SERBP1: variants seen among roughly 807,000 people sequenced by gnomAD.
SERBP1 encodes SERPINE1 mRNA-binding protein 1.
Under a neutral mutation model 50.2 loss-of-function variants are expected in SERBP1, and 6 were observed. The ratio of observed to expected loss-of-function variants is 0.12; its 90% confidence interval spans 0.07 to 0.24. SERBP1 has a LOEUF of 0.24. SERBP1 is among the 10% of genes least tolerant of loss of function. The pLI is 1.00. For synonymous variants in SERBP1, 168 were observed against 182.8 expected (o/e 0.92, Z 0.65); for missense variants, 346 against 524.9 (o/e 0.66, Z 3.33).
intron 7 of SERBP1, among the ~76,000 whole-genome samples, chr1:67,413,701 A>G (rs1205639723): frequency 6.6e-6 from 1 of 152,170 alleles, no homozygotes; most frequent in Non-Finnish European, 1.5e-5. Flanking sequence ...AAATGTATCA[A>G]GACAAAATTA....
rs539676906 is a variant in SERBP1 at position 67,430,309 on chromosome 1, C to G, written c.-9G>C. 2.9e-5 allele frequency: 43 copies of G among 1,486,980 alleles called. No homozygotes were observed. Among genetic ancestry groups the G allele is most frequent in the Admixed American group, 1.5e-4 (6 of 40,474 alleles). 92.1% of individuals were successfully genotyped at this position (1,486,980 alleles called of 1,614,324 possible). ...TGTAAGTGCCCAGGCATGATGGTGG[C>G]TCGGCGGCGCGTTCCTCCACGGATT... On this transcript the variant is annotated 5_prime_UTR_variant, in exon 1 of 8. Coordinates refer to ENST00000361219, the MANE Select transcript of SERBP1 (RefSeq NM_001018069.2).
chr1:67,424,068 G>A, intron 5 of SERBP1, 132 bp downstream of exon 5: 2 of 832,338 alleles, frequency 2.4e-6, no homozygotes, highest in Non-Finnish European at 3.6e-6. Context: ...TGAGGGATGA[G>A]GGTACAGTAA....
rs926566770 is a variant in SERBP1 at position 67,408,693 on chromosome 1, C to T, written c.*4514G>A. 4 of 152,048 alleles carry T rather than the reference C, an allele frequency of 2.6e-5. No individual in the cohort carries two copies. Among genetic ancestry groups the T allele is most frequent in the South Asian group, 4.2e-4 (2 of 4,810 alleles). The allele number at this position is 152,048 out of a possible 1,614,324, so 9.4% of individuals were successfully genotyped here. A position where few individuals can be genotyped will look rare whatever the true frequency, so the allele number is the denominator to read the frequency against. Reference sequence around the variant, plus strand: ...CTCATAGAAAAACCTCTTTGCACAACGCAAAGGACTTACACAAAGGGATCT... The same window carrying T: ...CTCATAGAAAAACCTCTTTGCACAATGCAAAGGACTTACACAAAGGGATCT... On this transcript the variant is annotated 3_prime_UTR_variant, in exon 8 of 8. Coordinates refer to ENST00000361219, the MANE Select transcript of SERBP1 (RefSeq NM_001018069.2).
chr1:67,424,379 T>A, intron 4 of SERBP1, 102 bp from the exon 5 acceptor site: 1 of 1,470,160 alleles, frequency 6.8e-7, no homozygotes, highest in Non-Finnish European at 9.1e-7. Context: ...AGCTGAAAAG[T>A]TCTTCATACA....
Position 67,409,634 on chromosome 1 carries a change from T to C in SERBP1, c.*3573A>G, listed in dbSNP as rs1399538247. On this transcript the variant is annotated 3_prime_UTR_variant, in exon 8 of 8. Transcript: ENST00000361219. ...TCACTATATTCTTGAAATTACCGAC[T>C]TCCTCAGCCTGAAAGATTTATTTCA... The C allele has an allele frequency of 1.3e-5, 2 of 152,186 alleles. No individual in the cohort carries two copies. Among genetic ancestry groups the C allele is most frequent in the Non-Finnish European group, 2.9e-5 (2 of 68,034 alleles). The allele number at this position is 152,186 out of a possible 1,614,324, so 9.4% of individuals were successfully genotyped here.
chr1:67,430,338 G>C lies in SERBP1; in HGVS notation c.-38C>G, dbSNP rs760191815. 6.0e-6 allele frequency: 9 copies of C among 1,493,764 alleles called. No homozygotes were observed. Among genetic ancestry groups the C allele is most frequent in the Non-Finnish European group, 8.0e-6 (9 of 1,122,742 alleles). 92.5% of individuals were successfully genotyped at this position (1,493,764 alleles called of 1,614,324 possible). A position where few individuals can be genotyped will look rare whatever the true frequency, so the allele number is the denominator to read the frequency against. On this transcript the variant is annotated 5_prime_UTR_variant, in exon 1 of 8. Coordinates refer to ENST00000361219, the MANE Select transcript of SERBP1 (RefSeq NM_001018069.2). The stretch of plus-strand genomic sequence containing the variant: ...GCGGCGCGTTCCTCCACGGATTGCA[G>C]CGGGCCGCGCCGAGCCAAGAGCGCC...
Position 67,415,290 on chromosome 1 carries a change from T to C in SERBP1, c.1001A>G (p.Asn334Ser). The change falls in exon 7 of 8, where the codon AAT becomes AGT. Residue 334 changes from asparagine to serine, a missense_variant. Physicochemically the swap from Asn to Ser is conservative, Grantham distance 46. Coordinates refer to ENST00000361219, the MANE Select transcript of SERBP1 (RefSeq NM_001018069.2). ...GATCTCCAGCTGAGACGTTATATCA[T>C]TTGCTGGCTTCCGGAAATGATGGTC... ...VMDHHFRKPANDITSQLEINF... is the reference protein window; with the variant it reads ...VMDHHFRKPASDITSQLEINF... 1 of 1,610,384 alleles carries C rather than the reference T, an allele frequency of 6.2e-7. No homozygotes were observed. Among genetic ancestry groups the C allele is most frequent in the Non-Finnish European group, 8.5e-7 (1 of 1,178,360 alleles).
rs1666713880 is a variant in SERBP1, at chr1:67,408,627, A to G, written c.*4580T>C. The G allele has an allele frequency of 6.6e-6, 1 of 152,042 alleles. No homozygotes were observed. The highest frequency in any genetic ancestry group is 1.9e-4 in the East Asian group (1 of 5,192). The allele number at this position is 152,042 out of a possible 1,614,324, so 9.4% of individuals were successfully genotyped here. ...AGCCATTAATTTCTGCCCCAGCTCA[A>G]CCTATGGAATTTACCTATATGAAGT... is the stretch of plus-strand genomic sequence containing the variant. On this transcript the variant is annotated 3_prime_UTR_variant, in exon 8 of 8. Coordinates refer to ENST00000361219, the MANE Select transcript of SERBP1 (RefSeq NM_001018069.2).
chr1:67,428,636 A>G (rs1667463750), intron 1 of SERBP1, among the ~76,000 whole-genome samples: 1 of 147,454 alleles, frequency 6.8e-6, no homozygotes, highest in Non-Finnish European at 1.5e-5. Context: ...CTCCAACTGT[A>G]TTTTTCCTCA....
chr1:67,423,551 G>A (rs1341532515), intron 5 of SERBP1, among the ~76,000 whole-genome samples: 1 of 151,002 alleles, frequency 6.6e-6, no homozygotes, highest in African/African-American at 2.4e-5. Flanking sequence ...AGGGTGCAGT[G>A]AGCCAAGATC....
In SERBP1 at chr1:67,429,881, G is replaced by A. The variant is rs573172872; in HGVS notation, c.313+107C>T. 38 of 1,237,026 alleles carry A rather than the reference G, an allele frequency of 3.1e-5. No individual in the cohort carries two copies. In the South Asian group the frequency reaches 4.4e-4, roughly 14 times the overall value. The allele number at this position is 1,237,026 out of a possible 1,614,324, so 76.6% of individuals were successfully genotyped here. A position where few individuals can be genotyped will look rare whatever the true frequency, so the allele number is the denominator to read the frequency against. ...GTGAAGAAACGTGAGGATATAGGCG[G>A]CAAAGTCTCCCGCGGACCCTCGGAG... is the stretch of plus-strand genomic sequence containing the variant. On this transcript the variant is annotated intron_variant, in intron 1 of 7. Coordinates refer to ENST00000361219, the MANE Select transcript of SERBP1 (RefSeq NM_001018069.2).
intron 6 of SERBP1, among the ~76,000 whole-genome samples, chr1:67,418,062 G>C (rs1467752143): frequency 1.6e-5 from 2 of 126,960 alleles, no homozygotes; most frequent in Non-Finnish European, 3.1e-5. Context: ...TGCAACCTCT[G>C]CCTCCTGTGT....
intron 1 of SERBP1, chr1:67,429,424 C>G (rs559799211): frequency 1.3e-5 from 2 of 152,434 alleles, no homozygotes; most frequent in African/African-American, 4.8e-5. Flanking sequence ...AAAGGACATG[C>G]GGCACCCCAA....
At position 67,412,613 on chromosome 1, in the gene SERBP1, A is replaced by G. The variant is rs940738990; in HGVS notation, c.*594T>C. 1 of 152,768 alleles carries G rather than the reference A, an allele frequency of 6.5e-6. No homozygotes were observed. Among genetic ancestry groups the G allele is most frequent in the Non-Finnish European group, 1.5e-5 (1 of 68,126 alleles). 9.5% of individuals were successfully genotyped at this position (152,768 alleles called of 1,614,324 possible). A position where few individuals can be genotyped will look rare whatever the true frequency, so the allele number is the denominator to read the frequency against. Reference sequence around the variant, plus strand: ...GTATATAAAGATTTAGCATATATATATAACAGCTATCATGAGAAGTGAAAA... The same window carrying G: ...GTATATAAAGATTTAGCATATATATGTAACAGCTATCATGAGAAGTGAAAA... On this transcript the variant is annotated 3_prime_UTR_variant, in exon 8 of 8. Transcript: ENST00000361219.
intron 5 of SERBP1, among the ~76,000 whole-genome samples, chr1:67,423,464 G>C (rs1285096877): frequency 6.6e-6 from 1 of 151,444 alleles, no homozygotes; most frequent in African/African-American, 2.4e-5. Flanking sequence ...AAAATTAGCC[G>C]GGCCTGGTGG....
intron 5 of SERBP1, among the ~76,000 whole-genome samples, chr1:67,423,647 T>C (rs1394940954): frequency 6.6e-6 from 1 of 151,924 alleles, no homozygotes; most frequent in Non-Finnish European, 1.5e-5. Context: ...AATAACATAC[T>C]CTGATCTTTG....
intron 1 of SERBP1, among the ~76,000 whole-genome samples, chr1:67,427,979 T>C (rs1277898535): frequency 2.0e-5 from 3 of 152,208 alleles, no homozygotes; most frequent in Non-Finnish European, 2.9e-5. Flanking sequence ...AAACATTAAA[T>C]ATCTGTCTAA....
At chr1:67,417,971 GTTTTTTTTT>G (rs397861816) in intron 6 of SERBP1, among the ~76,000 whole-genome samples, 19 of 76,830 alleles carry the variant, frequency 2.5e-4, no homozygotes, top group East Asian at 5.0e-4. Flanking sequence ...TTAAAGTGTT[GTTTTTTTTT>G]TTTTTTTTTT....
intron 6 of SERBP1, among the ~76,000 whole-genome samples, chr1:67,417,009 C>T (rs886762208): frequency 1.3e-5 from 2 of 152,146 alleles, no homozygotes; most frequent in Non-Finnish European, 2.9e-5. Flanking sequence ...CACTTGTAAT[C>T]CCAGCACTCT....
Sources: gnomAD v4.1 joint callset for allele counts (sites outside exome capture counted in the v4.1 genomes callset) on GRCh38, gnomAD v4.1.1 for gene constraint, MANE v1.5 for transcripts, NCBI Gene and HGNC (gene_info 2026-07-23, HGNC 2026-07-21) for gene names.